Variants in IL1RAPL1 observed in about 807,000 individuals in gnomAD.
The protein encoded by IL1RAPL1 is interleukin 1 receptor accessory protein like 1.
In IL1RAPL1, 3 loss-of-function variants were observed where a neutral mutation model predicts 48.4. The ratio of observed to expected loss-of-function variants is 0.06; its 90% CI spans 0.03 to 0.16. The LOEUF is 0.16. Among genes scored for constraint, IL1RAPL1 ranks in the 10% least tolerant of loss-of-function variants. IL1RAPL1 has a pLI of 1.00. For missense variants in IL1RAPL1, 349 were observed against 530.6 expected, an observed-to-expected ratio of 0.66 and a Z score of 3.36; for synonymous variants, 185 against 187.7, an observed-to-expected ratio of 0.99 and a Z score of 0.12.
intron 2 of IL1RAPL1, among the ~76,000 whole-genome samples, chrX:29,051,263 AT>A (rs1312158538): frequency 1.8e-5 from 2 of 111,970 alleles, no homozygotes; most frequent in African/African-American, 6.5e-5. Context: ...TGTTCCTTTC[AT>A]TTTAAAAAAT....
At chrX:29,032,079 G>T (rs1450035161) in intron 2 of IL1RAPL1, among the ~76,000 whole-genome samples, 1 of 111,474 alleles carries the variant, frequency 9.0e-6, no homozygotes, top group Non-Finnish European at 1.9e-5. Flanking sequence ...ATTGTAGGCA[G>T]TTAGGAAATG....
At chrX:28,712,461 C>CT (rs1158879561) in intron 1 of IL1RAPL1, among the ~76,000 whole-genome samples, 4 of 110,932 alleles carry the variant, frequency 3.6e-5, no homozygotes, top group African/African-American at 1.3e-4. Flanking sequence ...AAGAAATTAA[C>CT]TTTTTTTGTT....
At chrX:29,490,101 T>C (rs1382958851) in intron 5 of IL1RAPL1, among the ~76,000 whole-genome samples, 1 of 111,650 alleles carries the variant, frequency 9.0e-6, no homozygotes, top group Non-Finnish European at 1.9e-5. Context: ...CATTTTATTA[T>C]TGTATCTTTA....
At chrX:28,750,309 G>T (rs916794405) in intron 1 of IL1RAPL1, among the ~76,000 whole-genome samples, 1 of 111,394 alleles carries the variant, frequency 9.0e-6, no homozygotes, top group African/African-American at 3.3e-5. Context: ...ATTATACAAT[G>T]CCTTTACTTA....
intron 2 of IL1RAPL1, among the ~76,000 whole-genome samples, chrX:28,805,558 G>A (rs962361805): frequency 4.5e-5 from 5 of 110,985 alleles, no homozygotes; most frequent in African/African-American, 1.6e-4. Flanking sequence ...AACACAGGGA[G>A]AAGCTTTTTA....
chrX:29,822,678 A>G (rs1210868445), intron 6 of IL1RAPL1, among the ~76,000 whole-genome samples: 4 of 111,820 alleles, frequency 3.6e-5, no homozygotes, highest in Admixed American at 9.6e-5. Flanking sequence ...GGTGCCAGAC[A>G]GTGAGAAGGC....
chrX:29,220,586 G>A (rs1186094842), intron 2 of IL1RAPL1, among the ~76,000 whole-genome samples: 2 of 112,191 alleles, frequency 1.8e-5, no homozygotes, highest in Non-Finnish European at 3.8e-5. Flanking sequence ...CGTAAATGTC[G>A]GATCTCAGTT....
At position 28,820,986 on chromosome X, in the gene IL1RAPL1, A is replaced by C. The variant is rs1219518607; in HGVS notation, c.82+31561A>C. ...TGATAGAGAGTACAAAGGGGCCGTA[A>C]TGATGCTGAGTTGACAATAGGCAAC... On this transcript the variant is annotated intron_variant, in intron 2 of 10. Coordinates refer to ENST00000378993, the MANE Select transcript of IL1RAPL1 (RefSeq NM_014271.4). Among the ~76,000 whole-genome samples, 3 of 111,813 alleles carry C rather than the reference A, an allele frequency of 2.7e-5. No individual in the cohort carries two copies. In the Admixed American group the frequency reaches 2.9e-4, roughly 11 times the overall value.
At chrX:28,622,102 T>G (rs922255877) in intron 1 of IL1RAPL1, among the ~76,000 whole-genome samples, 2 of 111,621 alleles carry the variant, frequency 1.8e-5, no homozygotes, top group South Asian at 7.4e-4. Flanking sequence ...ATAAGAATAC[T>G]AAACCTAGTT....
intron 2 of IL1RAPL1, among the ~76,000 whole-genome samples, chrX:29,028,280 T>G (rs1187549818): frequency 9.4e-6 from 1 of 106,232 alleles, no homozygotes; most frequent in Non-Finnish European, 1.9e-5. Context: ...CGCCCTACTG[T>G]TTTTTTTGTT....
At chrX:28,616,503 G>A (rs1037252418) in intron 1 of IL1RAPL1, among the ~76,000 whole-genome samples, 4 of 108,839 alleles carry the variant, frequency 3.7e-5, no homozygotes, top group Non-Finnish European at 7.6e-5. Context: ...GCACGATCTC[G>A]GCTCACTGCA....
At chrX:28,882,078 C>A (rs749647036) in intron 2 of IL1RAPL1, among the ~76,000 whole-genome samples, 33 of 110,305 alleles carry the variant, frequency 3.0e-4, no homozygotes, top group African/African-American at 9.9e-4. Flanking sequence ...CACACAGAGA[C>A]ACACTATAAT....
chrX:29,421,472 C>G (rs1394697735), intron 5 of IL1RAPL1, among the ~76,000 whole-genome samples: 1 of 110,262 alleles, frequency 9.1e-6, no homozygotes, highest in Non-Finnish European at 1.9e-5. Context: ...CCCCTTTCTC[C>G]TTTATTACTT....
intron 2 of IL1RAPL1, among the ~76,000 whole-genome samples, chrX:29,048,767 G>A (rs1927029852): frequency 8.9e-6 from 1 of 111,880 alleles, no homozygotes; most frequent in African/African-American, 3.2e-5. Flanking sequence ...TGAAAAGCAT[G>A]AGGGATTGGC....
chrX:29,735,569 G>A (rs1451286022), intron 6 of IL1RAPL1, among the ~76,000 whole-genome samples: 1 of 111,736 alleles, frequency 8.9e-6, no homozygotes, highest in Non-Finnish European at 1.9e-5. Context: ...TTGTACTCAT[G>A]CATTTTTTTC....
intron 3 of IL1RAPL1, among the ~76,000 whole-genome samples, chrX:29,301,809 C>T (rs973298482): frequency 1.8e-5 from 2 of 110,698 alleles, no homozygotes; most frequent in Non-Finnish European, 3.8e-5. Context: ...TGACAAAGAG[C>T]TGTTGCAACC....
intron 6 of IL1RAPL1, among the ~76,000 whole-genome samples, chrX:29,730,703 A>G (rs2147130258): frequency 8.9e-6 from 1 of 112,247 alleles, no homozygotes; most frequent in South Asian, 3.7e-4. Context: ...CAAACACCAG[A>G]TAAGAACTTG....
chrX:29,040,870 T>A (rs1166041544), intron 2 of IL1RAPL1, among the ~76,000 whole-genome samples: 1 of 112,170 alleles, frequency 8.9e-6, no homozygotes, highest in African/African-American at 3.2e-5. Flanking sequence ...CAGGTTTATT[T>A]GCTAACTGTA....
At chrX:29,547,886 A>G (rs750589151) in intron 5 of IL1RAPL1, among the ~76,000 whole-genome samples, 62 of 112,672 alleles carry the variant, frequency 5.5e-4, no homozygotes, top group Non-Finnish European at 9.0e-4. Flanking sequence ...CTTAAACATA[A>G]GAGAAACAAG....
Sources: gnomAD v4.1 joint callset for allele counts (sites outside exome capture counted in the v4.1 genomes callset) on GRCh38, gnomAD v4.1.1 for gene constraint, MANE v1.5 for transcripts, NCBI Gene and HGNC (gene_info 2026-07-23, HGNC 2026-07-21) for gene names.